Variants in COG6 observed in about 807,000 individuals in gnomAD.
COG6 encodes the protein conserved oligomeric Golgi complex subunit 6.
COG6 carries 74 observed loss-of-function variants against 88.8 expected under a neutral mutation model. The observed-to-expected ratio is 0.83, with a 90% CI of 0.69 to 1.01. The LOEUF (loss-of-function observed/expected upper bound fraction) is 1.01, where lower values mean the gene tolerates loss of function less well. COG6 is among the 50% of genes least tolerant of loss of function. The pLI, the probability that COG6 is intolerant of heterozygous loss-of-function variation, is 0.00. For synonymous variants in COG6, 286 were observed against 278.7 expected (o/e 1.03, Z -0.26); for missense variants, 800 against 797.9 (o/e 1.00, Z -0.03).
At chr13:39,689,440 A>G (rs1400475381) in intron 10 of COG6, among the ~76,000 whole-genome samples, 1 of 152,144 alleles carries the variant, frequency 6.6e-6, no homozygotes, top group Non-Finnish European at 1.5e-5. Flanking sequence ...ACTTCATTCA[A>G]TTAATACATT....
chr13:39,657,686 A>G (rs1874609822), intron 1 of COG6, among the ~76,000 whole-genome samples: 1 of 152,224 alleles, frequency 6.6e-6, no homozygotes, highest in Non-Finnish European at 1.5e-5. Context: ...TAAGCCTACT[A>G]GAATATACAG....
At chr13:39,770,015 A>G (rs1442688793) in intron 18 of COG6, among the ~76,000 whole-genome samples, 1 of 152,224 alleles carries the variant, frequency 6.6e-6, no homozygotes, top group Non-Finnish European at 1.5e-5. Flanking sequence ...AGTAGCTAAC[A>G]TCTAGCAGTC....
chr13:39,716,728 A>C (rs567751076), intron 13 of COG6, among the ~76,000 whole-genome samples: 1 of 152,200 alleles, frequency 6.6e-6, no homozygotes, highest in East Asian at 1.9e-4. Context: ...ATTTATAACA[A>C]CATACTTTGA....
intron 15 of COG6, among the ~76,000 whole-genome samples, chr13:39,721,751 T>C (rs1432421251): frequency 6.6e-6 from 1 of 152,118 alleles, no homozygotes; most frequent in Admixed American, 6.6e-5. Context: ...TTACTACCAA[T>C]AACCTATTAT....
At chr13:39,685,514 G>A (rs1449511280) in intron 8 of COG6, among the ~76,000 whole-genome samples, 1 of 152,124 alleles carries the variant, frequency 6.6e-6, no homozygotes, top group Non-Finnish European at 1.5e-5. Flanking sequence ...TGGATTTTAA[G>A]ATTCACTGGA....
intron 4 of COG6, among the ~76,000 whole-genome samples, chr13:39,673,691 T>A (rs1425832837): frequency 6.6e-6 from 1 of 152,004 alleles, no homozygotes; most frequent in African/African-American, 2.4e-5. Context: ...GACATAATGT[T>A]AATATAAATC....
intron 3 of COG6, among the ~76,000 whole-genome samples, chr13:39,662,323 C>T (rs949707012): frequency 3.3e-5 from 5 of 151,906 alleles, no homozygotes; most frequent in African/African-American, 7.3e-5. Context: ...CACAGGATTT[C>T]GCCAGGTTGT....
chr13:39,677,543 T>C lies in COG6; in HGVS notation c.504T>C (p.Ser168=). Residue 168 remains serine (S), a synonymous_variant, in exon 5 of 19, where the codon AGT becomes AGC. Transcript: ENST00000455146. Reference sequence around the variant, plus strand: ...TCCAACTGACTTCTGATGAAATGAGTCTTCTCCGAGGTACAAGAGAAGGAC... The same window carrying C: ...TCCAACTGACTTCTGATGAAATGAGCCTTCTCCGAGGTACAAGAGAAGGAC... ...SKFQLTSDEM[S]LLRGTREGPI... 2 of 1,612,710 alleles carry C rather than the reference T, an allele frequency of 1.2e-6. No individual in the cohort carries two copies. The highest frequency in any genetic ancestry group is 1.3e-5 in the African/African-American group (1 of 74,982).
In COG6 at chr13:39,719,288, T is replaced by C. The variant is rs1165328215; in HGVS notation, c.1337T>C (p.Leu446Pro). 6.2e-7 allele frequency: 1 copy of C among 1,612,892 alleles called. No homozygotes were observed. Among genetic ancestry groups the C allele is most frequent in the Admixed American group, 1.7e-5 (1 of 59,890 alleles). The change falls in exon 14 of 19, where the codon CTC becomes CCC. Residue 446 changes from leucine to proline, a missense_variant. Coordinates refer to ENST00000455146, the MANE Select transcript of COG6 (RefSeq NM_020751.3). The part of the protein sequence containing the change: ...LGPSSALNQT[L>P]MLLREVLASH... The stretch of plus-strand genomic sequence containing the variant: ...CCAAGTTCTGCACTAAATCAGACAC[T>C]CATGTTGCTGCGTGAAGTTTTAGCA...
At chr13:39,728,575 T>C (rs1438813930) in intron 18 of COG6, among the ~76,000 whole-genome samples, 2 of 152,150 alleles carry the variant, frequency 1.3e-5, no homozygotes, top group Admixed American at 6.5e-5. Flanking sequence ...ATTGTATTAT[T>C]CTAAAAGATA....
At chr13:39,737,282 A>G (rs1340643293) in intron 18 of COG6, among the ~76,000 whole-genome samples, 2 of 152,090 alleles carry the variant, frequency 1.3e-5, no homozygotes, top group Non-Finnish European at 2.9e-5. Flanking sequence ...CAAGCATAGC[A>G]TTGGGTCTTG....
At chr13:39,669,109 G>A (rs148665495) in intron 4 of COG6, among the ~76,000 whole-genome samples, 2 of 152,310 alleles carry the variant, frequency 1.3e-5, no homozygotes, top group Admixed American at 6.5e-5. Context: ...TGTGGGAGAT[G>A]GTTGACTCTG....
At chr13:39,765,310 A>G (rs1288145338) in intron 18 of COG6, among the ~76,000 whole-genome samples, 1 of 152,168 alleles carries the variant, frequency 6.6e-6, no homozygotes, top group East Asian at 1.9e-4. Context: ...CTTTGATCCC[A>G]TGGTAAATTA....
At chr13:39,721,409 G>A (rs1038140124) in intron 15 of COG6, among the ~76,000 whole-genome samples, 4 of 152,086 alleles carry the variant, frequency 2.6e-5, no homozygotes, top group Admixed American at 6.6e-5. Flanking sequence ...AGTCCTGGCA[G>A]CATTTTCAGT....
chr13:39,731,290 G>T (rs1295840732), intron 18 of COG6, among the ~76,000 whole-genome samples: 1 of 152,036 alleles, frequency 6.6e-6, no homozygotes, highest in African/African-American at 2.4e-5. Context: ...AGGAGATTTT[G>T]ATTTAGCACT....
intron 18 of COG6, among the ~76,000 whole-genome samples, chr13:39,779,520 G>C (rs1881565550): frequency 6.6e-6 from 1 of 152,200 alleles, no homozygotes; most frequent in Non-Finnish European, 1.5e-5. Flanking sequence ...ATCAGAGGAA[G>C]TGGTCTGGAA....
chr13:39,713,661 G>T (rs1177635529), intron 13 of COG6, among the ~76,000 whole-genome samples: 4 of 152,076 alleles, frequency 2.6e-5, no homozygotes, highest in Admixed American at 2.0e-4. Context: ...GCATGAACCT[G>T]GGAGGTGGAG....
chr13:39,760,551 T>C (rs1880978993), intron 18 of COG6, among the ~76,000 whole-genome samples: 2 of 151,990 alleles, frequency 1.3e-5, no homozygotes, highest in South Asian at 4.1e-4. Context: ...AAAAAGAAAA[T>C]AATTTCTCCA....
chr13:39,788,220 C>A, intron 18 of COG6: 2 of 1,073,426 alleles, frequency 1.9e-6, no homozygotes, highest in South Asian at 1.3e-5. Context: ...AGTATATGGT[C>A]CTGGATGAAT....
Sources: allele counts gnomAD v4.1 joint callset (sites outside exome capture counted in the v4.1 genomes callset), GRCh38; gene constraint gnomAD v4.1.1; transcripts MANE v1.5; gene names NCBI Gene and HGNC (gene_info 2026-07-23, HGNC 2026-07-21).